NPHP1: variants seen among roughly 807,000 people sequenced by gnomAD.
NPHP1 encodes nephrocystin-1.
A neutral mutation model predicts 90.4 loss-of-function variants in NPHP1; 70 were observed. The ratio of observed to expected loss-of-function variants is 0.77; its 90% CI spans 0.64 to 0.95. NPHP1 has a LOEUF of 0.95. Ranked by LOEUF, NPHP1 falls within the 40% of genes least tolerant of loss-of-function variation. The pLI is 0.00. For synonymous variants in NPHP1, 256 were observed against 271.7 expected (o/e 0.94, Z 0.57); for missense variants, 764 against 795.9 (o/e 0.96, Z 0.48).
chr2:110,129,201 C>G lies in NPHP1; in HGVS notation c.1701G>C (p.Val567=), dbSNP rs200521790. ...TGCTACCCACCCTGAGAGCATCCAT[C>G]ACATCAGGCTGCTCCAAGAGCATGG... ...TFPMLLEQPD[V]MDALRSSWAG... is the part of the protein sequence containing the mutation. Residue 567 remains valine, a synonymous_variant, in exon 18 of 20, where the codon GTG becomes GTC. Coordinates refer to ENST00000445609, the MANE Select transcript of NPHP1 (RefSeq NM_001128178.3). 208 of 1,612,770 alleles carry G rather than the reference C, an allele frequency of 1.3e-4. 3 individuals are homozygous for G. The highest frequency in any genetic ancestry group is 1.8e-4 in the Non-Finnish European group (207 of 1,178,948).
intron 1 of NPHP1, 29 bp downstream of exon 1, chr2:110,204,871 C>T (rs1685830501): frequency 1.2e-6 from 2 of 1,611,646 alleles, no homozygotes; most frequent in Non-Finnish European, 1.7e-6. Flanking sequence ...GTCGCCCGCC[C>T]CAGGGCCCTC....
chr2:110,138,591 C>A (rs920688432), intron 16 of NPHP1, among the ~76,000 whole-genome samples: 3 of 152,068 alleles, frequency 2.0e-5, no homozygotes, highest in Non-Finnish European at 2.9e-5. Context: ...TCTCAGGGAT[C>A]AGGCTCTGAT....
At chr2:110,195,974 C>G (rs1685137451) in intron 2 of NPHP1, among the ~76,000 whole-genome samples, 1 of 152,114 alleles carries the variant, frequency 6.6e-6, no homozygotes, top group African/African-American at 2.4e-5. Context: ...AAACTGGATG[C>G]CTTCCTTACA....
Position 110,161,503 on chromosome 2 carries a change from T to G in NPHP1, c.954+100A>C, listed in dbSNP as rs1559072745. 5.0e-6 allele frequency: 4 copies of G among 801,428 alleles called. No homozygotes were observed. The East Asian group carries it at 1.1e-4, about 22-fold the overall frequency. The allele number at this position is 801,428 out of a possible 1,614,324, so 49.6% of individuals were successfully genotyped here. On this transcript the variant is annotated intron_variant, in intron 10 of 19. Transcript: ENST00000445609. ...AAAATTATCATAAACAATTTTTTTG[T>G]TTTTTATAATTCATTAGTCAATTAA...
At chr2:110,184,490 C>A in intron 2 of NPHP1, 1 of 943,294 alleles carries the variant, frequency 1.1e-6, no homozygotes, top group African/African-American at 1.6e-5. Context: ...AAGCTGTGCT[C>A]AGCCTTTATG....
rs528860372 is a variant in NPHP1 at position 110,178,671 on chromosome 2, A to C, written c.205-124T>G. Reference sequence around the variant, plus strand: ...TAAATATCAGTGTGACATTACACCTATCTTAGGGAAATAAATTAGATTTAA... The same window carrying C: ...TAAATATCAGTGTGACATTACACCTCTCTTAGGGAAATAAATTAGATTTAA... On this transcript the variant is annotated intron_variant, in intron 3 of 19. Coordinates refer to ENST00000445609, the MANE Select transcript of NPHP1 (RefSeq NM_001128178.3). 20 of 756,728 alleles carry C rather than the reference A, an allele frequency of 2.6e-5. No homozygotes were observed. In the African/African-American group the frequency reaches 3.5e-4, roughly 13 times the overall value. 46.9% of individuals were successfully genotyped at this position (756,728 alleles called of 1,614,324 possible). A position where few individuals can be genotyped will look rare whatever the true frequency, so the allele number is the denominator to read the frequency against.
intron 16 of NPHP1, among the ~76,000 whole-genome samples, chr2:110,134,353 C>A (rs769274190): frequency 5.9e-5 from 9 of 151,880 alleles, no homozygotes; most frequent in Admixed American, 2.0e-4. Context: ...TTTAAAAAAT[C>A]TCCTGATAAA....
rs1038043011 is a variant in NPHP1 at position 110,134,965 on chromosome 2, T to C, written c.1530-3174A>G. ...CTGCCACTTTTACTCAACACAATAA[T>C]GGAAATATTTTTCTAAAAAAAGAAA... On this transcript the variant is annotated intron_variant, in intron 16 of 19. Transcript: ENST00000445609. Among the ~76,000 whole-genome samples, 3 of 152,082 alleles carry C rather than the reference T, an allele frequency of 2.0e-5. No individual in the cohort carries two copies. The South Asian group carries it at 6.2e-4, about 32-fold the overall frequency.
At chr2:110,204,715 G>A (rs904085503) in intron 1 of NPHP1, among the ~76,000 whole-genome samples, 185 bp downstream of exon 1, 1 of 152,062 alleles carries the variant, frequency 6.6e-6, no homozygotes, top group East Asian at 1.9e-4. Context: ...GTTGGGATCA[G>A]GAGGGGTTTG....
At chr2:110,186,507 T>C (rs1684293162) in intron 2 of NPHP1, among the ~76,000 whole-genome samples, 1 of 152,080 alleles carries the variant, frequency 6.6e-6, no homozygotes. Context: ...GCCTGACTCC[T>C]AGGAGTAGTC....
chr2:110,179,810 A>T, intron 2 of NPHP1, 126 bp from the exon 3 acceptor site: 2 of 538,378 alleles, frequency 3.7e-6, no homozygotes, highest in South Asian at 4.1e-5. Context: ...ATACTAAAAA[A>T]CTGACATATA....
chr2:110,130,175 C>T (rs577952539), intron 17 of NPHP1, among the ~76,000 whole-genome samples: 2 of 152,192 alleles, frequency 1.3e-5, no homozygotes, highest in Admixed American at 1.3e-4. Context: ...AAAGGCCCCA[C>T]TTTTCAATAC....
intron 4 of NPHP1, among the ~76,000 whole-genome samples, chr2:110,170,238 C>T (rs1043267310): frequency 6.6e-6 from 1 of 152,086 alleles, no homozygotes; most frequent in African/African-American, 2.4e-5. Context: ...GGACTTGAGG[C>T]CAGGAGACTC....
At chr2:110,125,743 G>A (rs1679311142) in intron 18 of NPHP1, 62 bp from the exon 19 acceptor site, 8 of 1,310,782 alleles carry the variant, frequency 6.1e-6, no homozygotes, top group South Asian at 1.2e-5. Flanking sequence ...CAACACTTAT[G>A]CAAATTTACT....
At chr2:110,202,010 T>C (rs1346546893) in intron 1 of NPHP1, among the ~76,000 whole-genome samples, 1 of 152,194 alleles carries the variant, frequency 6.6e-6, no homozygotes, top group East Asian at 1.9e-4. Flanking sequence ...TTGCCTGTTC[T>C]TGAAATTTTA....
At chr2:110,125,159 C>G in intron 19 of NPHP1, 1 of 1,516,332 alleles carries the variant, frequency 6.6e-7, no homozygotes, top group Non-Finnish European at 8.8e-7. Flanking sequence ...TTGCCAAATC[C>G]TGGATGAGAG....
rs72826897 is a variant in NPHP1, at chr2:110,168,881, A to G, written c.523-328T>C. Reference sequence around the variant, plus strand: ...TTCCAAAAATTCAATTACTGCGTAAAATATTTTTGAATGTTTTAATATCTC... The same window carrying G: ...TTCCAAAAATTCAATTACTGCGTAAGATATTTTTGAATGTTTTAATATCTC... On this transcript the variant is annotated intron_variant, in intron 5 of 19. Coordinates refer to ENST00000445609, the MANE Select transcript of NPHP1 (RefSeq NM_001128178.3). Among the ~76,000 whole-genome samples the G allele has an allele frequency of 0.034, 5,194 of 152,234 alleles. 138 individuals carry two copies. Among genetic ancestry groups the G allele is most frequent in the Non-Finnish European group, 0.047 (3,226 of 68,010 alleles).
At chr2:110,144,398 TA>T in intron 15 of NPHP1, 94 bp downstream of exon 15, 1 of 784,404 alleles carries the variant, frequency 1.3e-6, no homozygotes, top group Non-Finnish European at 2.2e-6. Flanking sequence ...TGAATTCAAG[TA>T]AAAAACGCTA....
intron 15 of NPHP1, 96 bp from the exon 16 acceptor site, chr2:110,143,737 A>C: frequency 1.2e-6 from 1 of 847,430 alleles, no homozygotes; most frequent in Non-Finnish European, 2.0e-6. Flanking sequence ...ACCACCCAGT[A>C]GTGCTGAATT....
Sources: allele counts gnomAD v4.1 joint callset (sites outside exome capture counted in the v4.1 genomes callset), GRCh38; gene constraint gnomAD v4.1.1; transcripts MANE v1.5; gene names NCBI Gene and HGNC (gene_info 2026-07-23, HGNC 2026-07-21).